Variants in CORIN observed in about 807,000 individuals in gnomAD.
The protein encoded by CORIN is corin, serine peptidase.
CORIN carries 117 observed loss-of-function variants against 125.3 expected under a neutral mutation model. That is an observed-to-expected ratio of 0.93 (90% CI 0.80 to 1.09). The LOEUF (loss-of-function observed/expected upper bound fraction) is 1.09. CORIN is among the 50% of genes least tolerant of loss of function. CORIN has a pLI of 0.00. For synonymous variants in CORIN, 450 were observed against 466.4 expected, an observed-to-expected ratio of 0.96 and a Z score of 0.45; for missense variants, 1,253 against 1,306.7, an observed-to-expected ratio of 0.96 and a Z score of 0.63.
chr4:47,704,800 G>A (rs1726472483), intron 5 of CORIN, among the ~76,000 whole-genome samples: 1 of 151,974 alleles, frequency 6.6e-6, no homozygotes, highest in South Asian at 2.1e-4. Context: ...TGGGAGGAGG[G>A]GCTGAACTCA....
At chr4:47,632,374 A>C (rs917539201) in intron 16 of CORIN, 1 of 152,218 alleles carries the variant, frequency 6.6e-6, no homozygotes, top group Non-Finnish European at 1.5e-5. Context: ...ATCCTGTTCC[A>C]AACTTGAAAC....
intron 8 of CORIN, among the ~76,000 whole-genome samples, chr4:47,678,734 G>A (rs772077994): frequency 3.9e-5 from 6 of 152,008 alleles, no homozygotes; most frequent in Non-Finnish European, 8.8e-5. Context: ...TTAGAGTATC[G>A]GAAACCCATG....
chr4:47,731,435 A>G lies in CORIN; in HGVS notation c.799+12967T>C, dbSNP rs530822731. ...GAATTAGATCACCAAAAGGAGAGAG[A>G]TCCAAGGCCTGAGGCACTCCAGTGT... On this transcript the variant is annotated intron_variant, in intron 5 of 21. Coordinates refer to ENST00000273857, the MANE Select transcript of CORIN (RefSeq NM_006587.4). Among the ~76,000 whole-genome samples, 20 of 152,258 alleles carry G rather than the reference A, an allele frequency of 1.3e-4. No individual in the cohort carries two copies. In the South Asian group the frequency reaches 2.1e-3, roughly 16 times the overall value.
chr4:47,811,058 A>G (rs570975451), intron 1 of CORIN, among the ~76,000 whole-genome samples: 12 of 152,336 alleles, frequency 7.9e-5, no homozygotes, highest in African/African-American at 2.9e-4. Flanking sequence ...CTAGTCTCAT[A>G]GATGCTACAT....
chr4:47,634,445 T>G (rs1176899372), intron 16 of CORIN, among the ~76,000 whole-genome samples: 1 of 152,068 alleles, frequency 6.6e-6, no homozygotes, highest in African/African-American at 2.4e-5. Flanking sequence ...ACCAGCCTGA[T>G]CTACATGGTG....
chr4:47,607,316 G>A (rs1721690817), intron 19 of CORIN, among the ~76,000 whole-genome samples: 1 of 151,956 alleles, frequency 6.6e-6, no homozygotes. Context: ...GCTGAGGCAG[G>A]AGAATGGCGT....
chr4:47,683,487 C>T (rs775290275), intron 7 of CORIN: 2 of 374,022 alleles, frequency 5.3e-6, no homozygotes, highest in African/African-American at 4.2e-5. Flanking sequence ...CATTAACAAC[C>T]TTTACCAGTC....
chr4:47,763,679 C>T, intron 3 of CORIN, 93 bp from the exon 4 acceptor site: 3 of 1,143,396 alleles, frequency 2.6e-6, no homozygotes, highest in Non-Finnish European at 3.8e-6. Flanking sequence ...ATAAAGTATA[C>T]TTATCACAAG....
chr4:47,601,225 G>A (rs1255558992), intron 20 of CORIN, among the ~76,000 whole-genome samples: 1 of 152,098 alleles, frequency 6.6e-6, no homozygotes, highest in African/African-American at 2.4e-5. Context: ...CAATACTCCT[G>A]TGAGTTAGGT....
At chr4:47,810,760 A>T (rs1252841206) in intron 1 of CORIN, among the ~76,000 whole-genome samples, 3 of 152,136 alleles carry the variant, frequency 2.0e-5, no homozygotes, top group Non-Finnish European at 4.4e-5. Context: ...TTTAACTTCA[A>T]TTAGCAGCCC....
chr4:47,645,719 A>C (rs1484699904), intron 13 of CORIN, among the ~76,000 whole-genome samples: 1 of 151,788 alleles, frequency 6.6e-6, no homozygotes, highest in Non-Finnish European at 1.5e-5. Context: ...GTGAAACCCC[A>C]TCTCTACTAA....
rs375106523 is a variant in CORIN at position 47,749,753 on chromosome 4, C to G, written c.618-5170G>C. 4.7e-4 allele frequency among the ~76,000 whole-genome samples: 71 copies of G among 152,328 alleles called. No individual in the cohort carries two copies. In the South Asian group the frequency reaches 0.015, roughly 31 times the overall value. On this transcript the variant is annotated intron_variant, in intron 4 of 21. Coordinates refer to ENST00000273857, the MANE Select transcript of CORIN (RefSeq NM_006587.4). ...TTTGATGTTCTATTCATTGACAAGA[C>G]TCACACAATCATCTTTTTAAAAATA...
chr4:47,776,379 A>G (rs1730301902), intron 3 of CORIN, among the ~76,000 whole-genome samples: 2 of 152,040 alleles, frequency 1.3e-5, no homozygotes, highest in African/African-American at 4.8e-5. Flanking sequence ...TCAGCCTCCC[A>G]GGCTCAAGTT....
intron 2 of CORIN, among the ~76,000 whole-genome samples, chr4:47,788,398 G>A (rs1335552151): frequency 6.6e-6 from 1 of 152,134 alleles, no homozygotes; most frequent in Non-Finnish European, 1.5e-5. Context: ...CCAAAAGATT[G>A]TAAATAAAAC....
At chr4:47,645,671 C>T (rs1298585378) in intron 13 of CORIN, among the ~76,000 whole-genome samples, 1 of 152,046 alleles carries the variant, frequency 6.6e-6, no homozygotes, top group Non-Finnish European at 1.5e-5. Flanking sequence ...GGGCAGATCA[C>T]TTGAGCTCAG....
At chr4:47,704,150 T>C (rs1367494731) in intron 5 of CORIN, among the ~76,000 whole-genome samples, 1 of 152,148 alleles carries the variant, frequency 6.6e-6, no homozygotes, top group Non-Finnish European at 1.5e-5. Context: ...GCACACTACA[T>C]AAAATCTCTC....
chr4:47,757,729 G>A (rs2109859735), intron 4 of CORIN, among the ~76,000 whole-genome samples: 1 of 151,222 alleles, frequency 6.6e-6, no homozygotes, highest in Non-Finnish European at 1.5e-5. Context: ...ACACTTATCA[G>A]GTCAGGGGAA....
chr4:47,818,543 G>A (rs1320005609), intron 1 of CORIN, among the ~76,000 whole-genome samples: 2 of 152,148 alleles, frequency 1.3e-5, no homozygotes, highest in African/African-American at 4.8e-5. Flanking sequence ...ATAGACATTT[G>A]ATTGTAAAAA....
intron 1 of CORIN, among the ~76,000 whole-genome samples, chr4:47,810,057 G>C (rs1307628822): frequency 6.6e-6 from 1 of 152,170 alleles, no homozygotes; most frequent in Non-Finnish European, 1.5e-5. Context: ...GCATTCCATG[G>C]CAAGGGTAGG....
Sources: gnomAD v4.1 joint callset for allele counts (sites outside exome capture counted in the v4.1 genomes callset) on GRCh38, gnomAD v4.1.1 for gene constraint, MANE v1.5 for transcripts, NCBI Gene and HGNC (gene_info 2026-07-23, HGNC 2026-07-21) for gene names.